Variants in CLEC17A observed in about 807,000 individuals in gnomAD.
The protein encoded by CLEC17A is C-type lectin domain containing 17A, also known as C-type lectin domain family 17, member A.
A neutral mutation model predicts 61.3 loss-of-function variants in CLEC17A; 37 were observed. That is an observed-to-expected ratio of 0.60 (90% CI 0.46 to 0.79). CLEC17A has a LOEUF of 0.79. Among genes scored for constraint, CLEC17A ranks in the 30% least tolerant of loss-of-function variants. The pLI, the probability that CLEC17A is intolerant of heterozygous loss-of-function variation, is 0.00. For synonymous variants in CLEC17A, 168 were observed against 164.9 expected (o/e 1.02, Z -0.14); for missense variants, 418 against 464.7 (o/e 0.90, Z 0.92).
intron 3 of CLEC17A, among the ~76,000 whole-genome samples, chr19:14,590,812 G>A (rs912981391): frequency 1.3e-5 from 2 of 151,402 alleles, no homozygotes; most frequent in Non-Finnish European, 2.9e-5. Flanking sequence ...TCAGTCTCCC[G>A]ATAGCTGGGA....
At chr19:14,604,281 A>C (rs1296709719) in intron 12 of CLEC17A, among the ~76,000 whole-genome samples, 1 of 152,144 alleles carries the variant, frequency 6.6e-6, no homozygotes, top group Non-Finnish European at 1.5e-5. Context: ...AGCTCACCGG[A>C]AATGAGATAC....
At chr19:14,592,223 C>T in intron 3 of CLEC17A, 58 bp from the exon 4 acceptor site, 2 of 1,506,206 alleles carry the variant, frequency 1.3e-6, no homozygotes, top group Non-Finnish European at 1.8e-6. Context: ...GAGACCAGGG[C>T]TTGAGGGATG....
intron 12 of CLEC17A, 82 bp from the exon 13 acceptor site, chr19:14,606,911 A>C: frequency 1.7e-6 from 1 of 601,670 alleles, no homozygotes; most frequent in Non-Finnish European, 2.4e-6. Context: ...AGCCCTAAAT[A>C]TGTAGGACAG....
intron 3 of CLEC17A, among the ~76,000 whole-genome samples, chr19:14,591,659 T>TTC (rs2074422457): frequency 6.6e-6 from 1 of 151,762 alleles, no homozygotes; most frequent in Non-Finnish European, 1.5e-5. Flanking sequence ...GTTCAAGTGA[T>TTC]TCACCTGCCT....
chr19:14,607,435 C>A (rs1364270916), intron 13 of CLEC17A, among the ~76,000 whole-genome samples: 2 of 151,912 alleles, frequency 1.3e-5, no homozygotes, highest in East Asian at 3.9e-4. Flanking sequence ...GATCTCCTGA[C>A]CTCGTGATCT....
rs368014882 is a variant in CLEC17A, at chr19:14,595,289, C to T, written c.419C>T (p.Pro140Leu). The T allele has an allele frequency of 5.0e-6, 8 of 1,613,978 alleles. No homozygotes were observed. In the African/African-American group the frequency reaches 9.3e-5, roughly 19 times the overall value. The change falls in exon 8 of 14, where the codon CCT becomes CTT. Residue 140 changes from proline to leucine, a missense_variant. Transcript: ENST00000417570. ...TTTCTCCCAGCTGTGAATCTTGAGC[C>T]TTCTCCATTGCAGCCATCCCTGGCC... The part of the protein sequence containing the change: ...PPPQLAVNLE[P>L]SPLQPSLAAT...
At chr19:14,601,854 G>A (rs756646442) in intron 12 of CLEC17A, among the ~76,000 whole-genome samples, 1 of 151,924 alleles carries the variant, frequency 6.6e-6, no homozygotes, top group African/African-American at 2.4e-5. Context: ...GTGCAGTGGC[G>A]CGATCTCGGC....
chr19:14,601,574 C>T (rs2074717744), intron 12 of CLEC17A, among the ~76,000 whole-genome samples: 1 of 152,078 alleles, frequency 6.6e-6, no homozygotes, highest in African/African-American at 2.4e-5. Flanking sequence ...CTTTCAAGTC[C>T]ATGGTCTTGA....
intron 13 of CLEC17A, among the ~76,000 whole-genome samples, chr19:14,609,548 G>C (rs999622635): frequency 6.6e-6 from 1 of 152,086 alleles, no homozygotes; most frequent in African/African-American, 2.4e-5. Context: ...TTCAGAAATT[G>C]ATTAAGGGGC....
At chr19:14,587,509 C>T in intron 2 of CLEC17A, 105 bp from the exon 3 acceptor site, 1 of 1,342,050 alleles carries the variant, frequency 7.5e-7, no homozygotes, top group Admixed American at 2.4e-5. Context: ...GGTCAAGATC[C>T]AGGGTACAGA....
intron 8 of CLEC17A, among the ~76,000 whole-genome samples, chr19:14,596,308 C>T (rs549603036): frequency 1.3e-5 from 2 of 152,162 alleles, no homozygotes; most frequent in East Asian, 3.9e-4. Context: ...TTATAACCTA[C>T]ATCATAAGGA....
chr19:14,592,422 G>C, intron 4 of CLEC17A, 64 bp downstream of exon 4: 1 of 1,601,262 alleles, frequency 6.2e-7, no homozygotes, highest in East Asian at 2.3e-5. Context: ...AGGAGGCATT[G>C]GCTGGGCATT....
chr19:14,588,114 G>A (rs146025991), intron 3 of CLEC17A, among the ~76,000 whole-genome samples: 1 of 152,016 alleles, frequency 6.6e-6, no homozygotes, highest in Non-Finnish European at 1.5e-5. Flanking sequence ...TCTACCCAAA[G>A]CCCAGGTTTT....
intron 12 of CLEC17A, among the ~76,000 whole-genome samples, chr19:14,605,332 G>A (rs753627295): frequency 2.0e-5 from 3 of 151,256 alleles, no homozygotes; most frequent in Non-Finnish European, 4.4e-5. Context: ...CTGACCTCAG[G>A]TGATCCACCT....
intron 3 of CLEC17A, chr19:14,588,459 T>C (rs1470595348): frequency 6.6e-6 from 1 of 151,930 alleles, no homozygotes; most frequent in Admixed American, 6.6e-5. Flanking sequence ...AGTATGTGAT[T>C]GGGCATCTGC....
At chr19:14,584,581 A>T (rs1599526658) in intron 2 of CLEC17A, among the ~76,000 whole-genome samples, 1 of 151,964 alleles carries the variant, frequency 6.6e-6, no homozygotes, top group Non-Finnish European at 1.5e-5. Context: ...TATATCCCCC[A>T]TCTCTGAGTC....
At chr19:14,582,286 C>G (rs907728463), upstream of CLEC17A, among the ~76,000 whole-genome samples, 1 of 149,866 alleles carries the variant, frequency 6.7e-6, no homozygotes, top group Non-Finnish European at 1.5e-5. Flanking sequence ...GATCTCGGCT[C>G]ACTGCAAGCT....
chr19:14,594,895 A>G (rs1455862253), intron 7 of CLEC17A, 95 bp downstream of exon 7: 2 of 1,218,766 alleles, frequency 1.6e-6, no homozygotes, highest in Non-Finnish European at 2.3e-6. Context: ...TTTTTTTGAG[A>G]CAGAGTCTCA....
intron 2 of CLEC17A, among the ~76,000 whole-genome samples, chr19:14,586,231 T>G (rs2074275442): frequency 6.6e-6 from 1 of 151,928 alleles, no homozygotes; most frequent in Non-Finnish European, 1.5e-5. Flanking sequence ...GTTCAAGTGA[T>G]TCTCCTGACT....
Sources: allele counts gnomAD v4.1 joint callset (sites outside exome capture counted in the v4.1 genomes callset), GRCh38; gene constraint gnomAD v4.1.1; transcripts MANE v1.5; gene names NCBI Gene and HGNC (gene_info 2026-07-23, HGNC 2026-07-21).